UAP1: variants seen among roughly 807,000 people sequenced by gnomAD.
UAP1 encodes UDP-N-acetylhexosamine pyrophosphorylase.
In UAP1, 25 loss-of-function variants were observed where a neutral mutation model predicts 58.5. The ratio of observed to expected loss-of-function variants is 0.43; its 90% CI spans 0.31 to 0.60. The LOEUF (loss-of-function observed/expected upper bound fraction) is 0.60. Ranked by LOEUF, UAP1 falls within the 20% of genes least tolerant of loss-of-function variation. The pLI, the probability that UAP1 is intolerant of heterozygous loss-of-function variation, is 0.11. For missense variants in UAP1, 575 were observed against 630.0 expected (o/e 0.91, Z 0.93); for synonymous variants, 208 against 213.0 (o/e 0.98, Z 0.21).
chr1:162,597,567 C>T, intron 9 of UAP1: 1 of 498,518 alleles, frequency 2.0e-6, no homozygotes, highest in South Asian at 3.1e-5. Context: ...AAAGAGCTAC[C>T]AGTAATTATT....
intron 6 of UAP1, 67 bp downstream of exon 6, chr1:162,587,735 G>T: frequency 1.3e-6 from 2 of 1,492,970 alleles, no homozygotes; most frequent in South Asian, 1.3e-5. Flanking sequence ...ACACTTGAGA[G>T]GGATGCAGAC....
At chr1:162,594,032 G>T (rs1200540133) in intron 9 of UAP1, among the ~76,000 whole-genome samples, 1 of 152,172 alleles carries the variant, frequency 6.6e-6, no homozygotes, top group African/African-American at 2.4e-5. Context: ...TTGGCACCAG[G>T]GACTGGCTTT....
exon 5 of UAP1, chr1:162,581,318 A>G: frequency 6.2e-7 from 1 of 1,613,140 alleles, no homozygotes; most frequent in Non-Finnish European, 8.5e-7. Context: ...GGGCACTTGC[A>G]GCCCAGAATA....
intron 5 of UAP1, among the ~76,000 whole-genome samples, chr1:162,583,853 T>G (rs1315214363): frequency 6.6e-6 from 1 of 151,808 alleles, no homozygotes; most frequent in African/African-American, 2.4e-5. Context: ...TTGCCTAGGC[T>G]GGTCTTGAAC....
intron 9 of UAP1, chr1:162,593,708 A>G (rs1655457936): frequency 6.6e-6 from 1 of 151,958 alleles, no homozygotes; most frequent in Admixed American, 6.6e-5. Flanking sequence ...AGATCGCACC[A>G]TTGCACTCCA....
At chr1:162,563,134 T>A (rs1176162086) in intron 1 of UAP1, among the ~76,000 whole-genome samples, 3 of 152,248 alleles carry the variant, frequency 2.0e-5, no homozygotes, top group African/African-American at 7.2e-5. Flanking sequence ...TGTTAATTGC[T>A]GCTTACCATT....
intron 9 of UAP1, among the ~76,000 whole-genome samples, chr1:162,596,401 C>G (rs1655621724): frequency 6.6e-6 from 1 of 152,126 alleles, no homozygotes; most frequent in African/African-American, 2.4e-5. Flanking sequence ...TCTCAAACTC[C>G]TGACCTCAGG....
chr1:162,570,148 C>CAAA (rs11405209), intron 2 of UAP1, among the ~76,000 whole-genome samples: 3 of 95,594 alleles, frequency 3.1e-5, no homozygotes, highest in Non-Finnish European at 6.4e-5. Flanking sequence ...GACTCCGTCT[C>CAAA]AAAAAAAAAA....
chr1:162,571,961 G>T (rs1471374137), intron 2 of UAP1, among the ~76,000 whole-genome samples: 1 of 152,196 alleles, frequency 6.6e-6, no homozygotes, highest in East Asian at 1.9e-4. Flanking sequence ...CTTTTCTCTT[G>T]TTTTTCACTG....
At chr1:162,599,284 A>T (rs1655796107) in exon 11 of UAP1, 1 of 1,611,666 alleles carries the variant, frequency 6.2e-7, no homozygotes, top group Non-Finnish European at 8.5e-7. Flanking sequence ...TTAGAAAGTT[A>T]TGTGGCAGAT....
At chr1:162,600,555 T>C (rs561675353), downstream of UAP1, among the ~76,000 whole-genome samples, 4 of 151,928 alleles carry the variant, frequency 2.6e-5, no homozygotes, top group East Asian at 1.9e-4. Context: ...AAATTATATC[T>C]AGAAAAGAGA....
At chr1:162,589,170 T>TA (rs1220843897) in intron 7 of UAP1, among the ~76,000 whole-genome samples, 56 of 102,420 alleles carry the variant, frequency 5.5e-4, no homozygotes, top group African/African-American at 2.1e-3. Context: ...ATATAATATA[T>TA]AAATATTATA....
intron 8 of UAP1, among the ~76,000 whole-genome samples, chr1:162,591,376 A>G (rs1338323658): frequency 1.3e-5 from 2 of 152,296 alleles, no homozygotes; most frequent in East Asian, 3.9e-4. Flanking sequence ...AATGTCAGTT[A>G]CATTCACTGA....
intron 1 of UAP1, among the ~76,000 whole-genome samples, chr1:162,563,458 C>T (rs900367807): frequency 1.3e-5 from 2 of 152,014 alleles, no homozygotes; most frequent in Non-Finnish European, 2.9e-5. Context: ...TCCGCCTCCC[C>T]GGTTCAGGCG....
chr1:162,587,860 G>A (rs1184843663), intron 6 of UAP1, 192 bp downstream of exon 6: 3 of 544,276 alleles, frequency 5.5e-6, no homozygotes, highest in African/African-American at 1.9e-5. Context: ...GGGAATCATC[G>A]GAGCCCATTC....
At chr1:162,573,543 T>C (rs1571062239) in intron 2 of UAP1, among the ~76,000 whole-genome samples, 1 of 152,198 alleles carries the variant, frequency 6.6e-6, no homozygotes, top group Non-Finnish European at 1.5e-5. Context: ...ATGGAGTTAA[T>C]GAGGACAATT....
At chr1:162,596,182 T>C (rs1044565800) in intron 9 of UAP1, among the ~76,000 whole-genome samples, 1 of 150,058 alleles carries the variant, frequency 6.7e-6, no homozygotes, top group African/African-American at 2.5e-5. Flanking sequence ...ATTAATGTAT[T>C]TATTTATTTT....
intron 4 of UAP1, among the ~76,000 whole-genome samples, chr1:162,580,380 A>G (rs1369012187): frequency 4.6e-5 from 7 of 152,248 alleles, no homozygotes; most frequent in Non-Finnish European, 1.0e-4. Context: ...GAAAAACTGC[A>G]TACAGTCTAT....
chr1:162,569,155 A>G (rs992845359), intron 2 of UAP1, among the ~76,000 whole-genome samples: 3 of 152,250 alleles, frequency 2.0e-5, no homozygotes, highest in African/African-American at 7.2e-5. Flanking sequence ...AAGTTTCTGC[A>G]GTAAGTTATC....
Sources: gnomAD v4.1 joint callset for allele counts (sites outside exome capture counted in the v4.1 genomes callset) on GRCh38, gnomAD v4.1.1 for gene constraint, MANE v1.5 for transcripts, NCBI Gene and HGNC (gene_info 2026-07-23, HGNC 2026-07-21) for gene names.